MARCHF1: variants seen among roughly 807,000 people sequenced by gnomAD.
MARCHF1 encodes the protein membrane associated ring-CH-type finger 1.
In MARCHF1, 40 loss-of-function variants were observed where a neutral mutation model predicts 54.2. The ratio of observed to expected loss-of-function variants is 0.74; its 90% confidence interval spans 0.57 to 0.96. The LOEUF is 0.96. MARCHF1 is among the 40% of genes least tolerant of loss of function. The pLI, the probability that MARCHF1 is intolerant of heterozygous loss-of-function variation, is 0.00. For missense variants in MARCHF1, 586 were observed against 656.5 expected (o/e 0.89, Z 1.17); for synonymous variants, 236 against 236.3 (o/e 1.00, Z 0.01).
chr4:163,662,442 TC>T (rs1177369841), intron 5 of MARCHF1, among the ~76,000 whole-genome samples: 6 of 152,030 alleles, frequency 3.9e-5, no homozygotes, highest in African/African-American at 1.4e-4. Flanking sequence ...AGTTTTCTTT[TC>T]CTTTTTTCCC....
At chr4:164,321,971 C>T (rs1168947976) in intron 1 of MARCHF1, among the ~76,000 whole-genome samples, 1 of 151,904 alleles carries the variant, frequency 6.6e-6, no homozygotes, top group African/African-American at 2.4e-5. Flanking sequence ...AAAGTCATAG[C>T]TATTATTACA....
intron 2 of MARCHF1, among the ~76,000 whole-genome samples, chr4:163,997,899 C>T (rs1753108208): frequency 6.7e-6 from 1 of 148,840 alleles, no homozygotes; most frequent in African/African-American, 2.5e-5. Context: ...CATTTGTTAT[C>T]TATAATTTAA....
At chr4:164,219,649 T>C (rs1401482710) in intron 1 of MARCHF1, among the ~76,000 whole-genome samples, 2 of 151,872 alleles carry the variant, frequency 1.3e-5, no homozygotes, top group Non-Finnish European at 2.9e-5. Flanking sequence ...TAAAATGATT[T>C]TAAAAACAAG....
intron 4 of MARCHF1, among the ~76,000 whole-genome samples, chr4:163,780,519 C>T (rs1028384804): frequency 5.9e-5 from 9 of 151,882 alleles, no homozygotes; most frequent in African/African-American, 1.5e-4. Flanking sequence ...GGAGACATTC[C>T]GGGCTTGTCA....
At chr4:164,109,834 T>A (rs1008042180) in intron 2 of MARCHF1, among the ~76,000 whole-genome samples, 2 of 142,528 alleles carry the variant, frequency 1.4e-5, no homozygotes, top group Non-Finnish European at 3.0e-5. Flanking sequence ...ATCCTAATGA[T>A]CTGTACAACA....
At chr4:163,972,607 C>T (rs866633727) in intron 3 of MARCHF1, among the ~76,000 whole-genome samples, 3 of 152,012 alleles carry the variant, frequency 2.0e-5, no homozygotes, top group East Asian at 1.9e-4. Context: ...AGTGCAGTGG[C>T]GCGATCTCAG....
intron 3 of MARCHF1, among the ~76,000 whole-genome samples, chr4:163,866,769 C>G (rs1750061649): frequency 1.3e-5 from 2 of 151,582 alleles, no homozygotes; most frequent in South Asian, 4.1e-4. Context: ...TCATAGAACT[C>G]AGGAAAGCAC....
At chr4:163,747,629 C>A (rs1371211024) in intron 4 of MARCHF1, among the ~76,000 whole-genome samples, 2 of 152,058 alleles carry the variant, frequency 1.3e-5, no homozygotes, top group Non-Finnish European at 2.9e-5. Flanking sequence ...AAAAATGGAA[C>A]AAGAGGACCA....
chr4:163,546,307 A>C (rs1738904546), intron 8 of MARCHF1, among the ~76,000 whole-genome samples: 2 of 152,176 alleles, frequency 1.3e-5, no homozygotes, highest in Non-Finnish European at 2.9e-5. Flanking sequence ...ATTGCAAACA[A>C]AAATAATTTT....
intron 2 of MARCHF1, among the ~76,000 whole-genome samples, chr4:164,095,708 C>A (rs907286979): frequency 1.3e-5 from 2 of 151,786 alleles, no homozygotes; most frequent in African/African-American, 4.8e-5. Context: ...AAAGAAAAAC[C>A]AAAACTCAAC....
intron 2 of MARCHF1, among the ~76,000 whole-genome samples, chr4:164,074,542 T>A (rs927549284): frequency 1.3e-5 from 2 of 152,234 alleles, no homozygotes; most frequent in Non-Finnish European, 2.9e-5. Flanking sequence ...CTTCATTATT[T>A]AAAATATTGA....
intron 5 of MARCHF1, among the ~76,000 whole-genome samples, chr4:163,697,997 A>ACCC (rs1744688430): frequency 6.6e-6 from 1 of 152,088 alleles, no homozygotes; most frequent in South Asian, 2.1e-4. Flanking sequence ...AATATTAAGA[A>ACCC]CCCCATAATA....
intron 4 of MARCHF1, among the ~76,000 whole-genome samples, chr4:163,812,085 G>T (rs1398481576): frequency 6.6e-6 from 1 of 151,818 alleles, no homozygotes; most frequent in Non-Finnish European, 1.5e-5. Flanking sequence ...TTCTGTCTTT[G>T]GTGCTCCTGG....
chr4:163,847,916 G>A (rs774143213), intron 4 of MARCHF1, among the ~76,000 whole-genome samples: 3 of 152,136 alleles, frequency 2.0e-5, no homozygotes, highest in Non-Finnish European at 4.4e-5. Context: ...GCAAACAACA[G>A]TATCAACTTC....
chr4:163,778,844 C>T (rs375254958), intron 4 of MARCHF1, among the ~76,000 whole-genome samples: 1 of 151,766 alleles, frequency 6.6e-6, no homozygotes, highest in East Asian at 1.9e-4. Context: ...ACAATAGAGA[C>T]TAGAATGAGT....
At chr4:164,321,864 A>C (rs1305513804) in intron 1 of MARCHF1, among the ~76,000 whole-genome samples, 1 of 152,130 alleles carries the variant, frequency 6.6e-6, no homozygotes, top group African/African-American at 2.4e-5. Flanking sequence ...TAATTATAAT[A>C]ATCATAGAAA....
intron 1 of MARCHF1, among the ~76,000 whole-genome samples, chr4:164,372,589 A>C (rs543742826): frequency 6.6e-6 from 1 of 152,134 alleles, no homozygotes; most frequent in Non-Finnish European, 1.5e-5. Context: ...ATTGAAAAAA[A>C]TCCACATTTG....
At chr4:163,761,202 A>G (rs1746817163) in intron 4 of MARCHF1, among the ~76,000 whole-genome samples, 1 of 152,230 alleles carries the variant, frequency 6.6e-6, no homozygotes, top group Non-Finnish European at 1.5e-5. Flanking sequence ...ATACTTGTAT[A>G]TGAAGGGATT....
intron 3 of MARCHF1, among the ~76,000 whole-genome samples, chr4:163,921,850 C>A (rs184585278): frequency 2.2e-4 from 33 of 152,098 alleles, no homozygotes; most frequent in African/African-American, 7.2e-4. Context: ...GTATTTTGTA[C>A]CTCTATACAG....
Sources: gnomAD v4.1 joint callset for allele counts (sites outside exome capture counted in the v4.1 genomes callset) on GRCh38, gnomAD v4.1.1 for gene constraint, MANE v1.5 for transcripts, NCBI Gene and HGNC (gene_info 2026-07-23, HGNC 2026-07-21) for gene names.